Variants in EPCIP observed in about 807,000 individuals in gnomAD.
The protein encoded by EPCIP is exosomal polycystin-1-interacting protein.
At chr21:32,804,411 G>A in the EPCIP span, among the ~76,000 whole-genome samples, 1 of 151,746 alleles carries the variant, frequency 6.6e-6, no homozygotes, top group Non-Finnish European at 1.5e-5. Context: ...CTCCCAAGGT[G>A]CTAGGATTAT....
At chr21:32,795,522 T>C in the EPCIP span, among the ~76,000 whole-genome samples, 5 of 152,164 alleles carry the variant, frequency 3.3e-5, no homozygotes, top group Non-Finnish European at 7.3e-5. Context: ...TACAATTCAG[T>C]CTTCTCCATT....
chr21:32,799,745 C>T, the EPCIP span, among the ~76,000 whole-genome samples: 11 of 152,256 alleles, frequency 7.2e-5, no homozygotes, highest in African/African-American at 1.2e-4. Context: ...AGTTCAAGAC[C>T]GGCCTGGCCA....
chr21:32,809,961 AGTC>A, the EPCIP span, among the ~76,000 whole-genome samples: 1 of 152,126 alleles, frequency 6.6e-6, no homozygotes, highest in Non-Finnish European at 1.5e-5. Context: ...CCTAGTACCT[AGTC>A]GTGTTAGATT....
At chr21:32,794,355 A>C in the EPCIP span, 2 of 1,614,120 alleles carry the variant, frequency 1.2e-6, no homozygotes, top group East Asian at 4.5e-5. Flanking sequence ...CCTTTGGTGA[A>C]GCAGTTAAGT....
At chr21:32,798,349 G>T in the EPCIP span, 2 of 152,312 alleles carry the variant, frequency 1.3e-5, no homozygotes, top group African/African-American at 4.8e-5. Context: ...TCAGGGCAAG[G>T]TGTGTGAGCA....
At chr21:32,810,287 G>A in the EPCIP span, among the ~76,000 whole-genome samples, 3 of 115,458 alleles carry the variant, frequency 2.6e-5, no homozygotes, top group Non-Finnish European at 3.2e-5. Flanking sequence ...ACGGAGTCTC[G>A]CTCTGTCGCC....
chr21:32,812,664 G>A, the EPCIP span, among the ~76,000 whole-genome samples: 24 of 151,684 alleles, frequency 1.6e-4, no homozygotes, highest in Admixed American at 1.4e-3. Context: ...GGCTCTTTTC[G>A]GTAAAAAATT....
the EPCIP span, among the ~76,000 whole-genome samples, chr21:32,812,227 A>G: frequency 5.9e-5 from 9 of 152,312 alleles, no homozygotes; most frequent in South Asian, 1.5e-3. Flanking sequence ...CAAATCCTTC[A>G]GGCTTTCCCC....
chr21:32,794,584 C>G, the EPCIP span: 6 of 687,892 alleles, frequency 8.7e-6, no homozygotes, highest in Admixed American at 5.9e-5. Context: ...ACATTTCTTT[C>G]TTGCAGTTCT....
chr21:32,812,330 C>T, the EPCIP span, among the ~76,000 whole-genome samples: 2 of 152,218 alleles, frequency 1.3e-5, no homozygotes. Flanking sequence ...GCCCACAGAA[C>T]TGTGAGGCCT....
chr21:32,802,953 C>A, the EPCIP span, among the ~76,000 whole-genome samples: 5 of 152,310 alleles, frequency 3.3e-5, no homozygotes, highest in African/African-American at 9.6e-5. Flanking sequence ...CCTGGGAACG[C>A]CACTCCCTGA....
At chr21:32,800,472 T>C in the EPCIP span, among the ~76,000 whole-genome samples, 1 of 152,220 alleles carries the variant, frequency 6.6e-6, no homozygotes, top group African/African-American at 2.4e-5. Context: ...TGTCCAGTGA[T>C]TTAAAGGCTC....
chr21:32,799,856 T>C, the EPCIP span, among the ~76,000 whole-genome samples: 3 of 152,042 alleles, frequency 2.0e-5, no homozygotes, highest in Non-Finnish European at 4.4e-5. Flanking sequence ...GCACGAGAAT[T>C]CCTTGAACCC....
the EPCIP span, chr21:32,807,685 A>G: frequency 6.6e-6 from 1 of 152,256 alleles, no homozygotes; most frequent in Non-Finnish European, 1.5e-5. Context: ...GGCAAAATTC[A>G]TATTCTTCTT....
the EPCIP span, among the ~76,000 whole-genome samples, chr21:32,800,721 C>T: frequency 6.6e-6 from 1 of 151,858 alleles, no homozygotes; most frequent in Non-Finnish European, 1.5e-5. Flanking sequence ...GAGGCTGAGG[C>T]AGGAGAATCG....
chr21:32,792,943 G>T, the EPCIP span, among the ~76,000 whole-genome samples: 10 of 148,816 alleles, frequency 6.7e-5, no homozygotes, highest in Admixed American at 6.0e-4. Context: ...ATGGAGTTTC[G>T]CTCTTGTTGC....
the EPCIP span, chr21:32,798,465 C>T: frequency 2.6e-5 from 4 of 152,208 alleles, no homozygotes; most frequent in Non-Finnish European, 5.9e-5. Context: ...ATGACCTAAC[C>T]CCAATTCTTA....
At chr21:32,792,263 G>A in the EPCIP span, among the ~76,000 whole-genome samples, 3 of 152,210 alleles carry the variant, frequency 2.0e-5, no homozygotes, top group East Asian at 1.9e-4. Context: ...TTTTTCAAAA[G>A]TATGTTGCTT....
the EPCIP span, among the ~76,000 whole-genome samples, chr21:32,792,327 A>G: frequency 1.3e-5 from 2 of 152,218 alleles, no homozygotes; most frequent in Admixed American, 6.5e-5. Flanking sequence ...GTGTCATATA[A>G]AATGCCTTCA....
Sources: allele counts gnomAD v4.1 joint callset (sites outside exome capture counted in the v4.1 genomes callset), GRCh38; gene constraint gnomAD v4.1.1; transcripts MANE v1.5; gene names NCBI Gene and HGNC (gene_info 2026-07-23, HGNC 2026-07-21).